Variants in PINX1 observed in about 807,000 individuals in gnomAD.
The protein encoded by PINX1 is PIN2/TERF1-interacting telomerase inhibitor 1.
In PINX1, 34 loss-of-function variants were observed where a neutral mutation model predicts 25.4. The ratio of observed to expected loss-of-function variants is 1.34; its 90% CI spans 1.02 to 1.78. The LOEUF (loss-of-function observed/expected upper bound fraction) is 1.78, where lower values mean the gene tolerates loss of function less well. PINX1 is among the 40% of genes most tolerant of loss of function. PINX1 has a pLI of 0.00. For missense variants in PINX1, 592 were observed against 404.9 expected (o/e 1.46, Z -3.97); for synonymous variants, 197 against 147.7 (o/e 1.33, Z -2.42).
intron 6 of PINX1, among the ~76,000 whole-genome samples, chr8:10,774,793 A>G (rs963607377): frequency 3.3e-5 from 5 of 152,240 alleles, no homozygotes; most frequent in African/African-American, 9.6e-5. Flanking sequence ...CCAGAAATCA[A>G]TGTAGCAAAT....
At chr8:10,790,547 C>T (rs1051710776) in intron 6 of PINX1, among the ~76,000 whole-genome samples, 1 of 152,118 alleles carries the variant, frequency 6.6e-6, no homozygotes, top group African/African-American at 2.4e-5. Context: ...GCTGTCGGAG[C>T]CTCAACTGGT....
rs146071579 is a variant in PINX1, at chr8:10,770,173, T to C, written c.472-4257A>G. ...GCAAGAAGCCCTCTTGGGCAGATGCTGGACAGCTTCCACCTGGACACTGCC... is the reference window on the plus strand; with the variant it reads ...GCAAGAAGCCCTCTTGGGCAGATGCCGGACAGCTTCCACCTGGACACTGCC... On this transcript the variant is annotated intron_variant, in intron 6 of 6. Transcript: ENST00000314787. Among the ~76,000 whole-genome samples the C allele has an allele frequency of 1.9e-3, 297 of 152,366 alleles. 1 individual carries two copies. The highest frequency in any genetic ancestry group is 6.2e-3 in the African/African-American group (257 of 41,588).
intron 6 of PINX1, among the ~76,000 whole-genome samples, chr8:10,768,475 A>G (rs775422285): frequency 6.6e-6 from 1 of 152,230 alleles, no homozygotes; most frequent in Non-Finnish European, 1.5e-5. Flanking sequence ...GTATGCTCAT[A>G]TGCTCATCAT....
chr8:10,800,932 T>C (rs1205084403), intron 6 of PINX1, among the ~76,000 whole-genome samples: 1 of 152,082 alleles, frequency 6.6e-6, no homozygotes, highest in Non-Finnish European at 1.5e-5. Context: ...GTCCCAACTC[T>C]CCTTTCTGCA....
At chr8:10,831,261 T>C (rs1026160926) in intron 4 of PINX1, among the ~76,000 whole-genome samples, 4 of 152,180 alleles carry the variant, frequency 2.6e-5, no homozygotes, top group Non-Finnish European at 4.4e-5. Flanking sequence ...GACAGCAGAA[T>C]AGTGGTTATT....
At chr8:10,835,048 T>C (rs1798358031) in intron 1 of PINX1, among the ~76,000 whole-genome samples, 1 of 152,192 alleles carries the variant, frequency 6.6e-6, no homozygotes, top group South Asian at 2.1e-4. Context: ...ATGCTCAATA[T>C]ACTAGAGCTG....
intron 6 of PINX1, among the ~76,000 whole-genome samples, chr8:10,772,773 T>G (rs993893034): frequency 2.6e-5 from 4 of 152,162 alleles, no homozygotes; most frequent in African/African-American, 9.7e-5. Context: ...ATGCAGCAAC[T>G]CAATTGGAAA....
chr8:10,770,600 T>C (rs1801193012), intron 6 of PINX1, among the ~76,000 whole-genome samples: 2 of 152,214 alleles, frequency 1.3e-5, no homozygotes. Context: ...TGCTCTTGTG[T>C]CATTCAAACA....
At chr8:10,777,025 C>T (rs1304240274) in intron 6 of PINX1, among the ~76,000 whole-genome samples, 3 of 152,224 alleles carry the variant, frequency 2.0e-5, no homozygotes, top group African/African-American at 7.2e-5. Flanking sequence ...CAGTTTCTTA[C>T]TATCACAAAA....
chr8:10,780,827 AT>A (rs1304239572), intron 6 of PINX1, among the ~76,000 whole-genome samples: 1 of 152,222 alleles, frequency 6.6e-6, no homozygotes, highest in Non-Finnish European at 1.5e-5. Context: ...TCCCAACGGC[AT>A]TCTTAATAGA....
At chr8:10,827,245 C>G (rs10109416) in intron 4 of PINX1, among the ~76,000 whole-genome samples, 52,086 of 152,054 alleles carry the variant, frequency 0.34, 9,604 homozygotes, top group African/African-American at 0.48. Flanking sequence ...AAATACAGAT[C>G]AGAGATGACG....
intron 6 of PINX1, among the ~76,000 whole-genome samples, chr8:10,788,939 A>G (rs1801836029): frequency 6.6e-6 from 1 of 150,934 alleles, no homozygotes; most frequent in Admixed American, 6.6e-5. Flanking sequence ...AACTGGTCCT[A>G]ACAGGAATAT....
chr8:10,831,627 T>G, intron 4 of PINX1, 38 bp downstream of exon 4: 1 of 1,261,608 alleles, frequency 7.9e-7, no homozygotes, highest in Non-Finnish European at 1.1e-6. Flanking sequence ...TAGATAAACA[T>G]ATTTGCATTG....
intron 3 of PINX1, 40 bp downstream of exon 3, chr8:10,832,852 A>AGTGCACC: frequency 2.4e-6 from 3 of 1,226,990 alleles, no homozygotes; most frequent in Non-Finnish European, 3.6e-6. Flanking sequence ...ACTGAAGCCA[A>AGTGCACC]TTATGCAAAG....
chr8:10,795,308 T>A (rs556744109), intron 6 of PINX1, among the ~76,000 whole-genome samples: 1 of 152,326 alleles, frequency 6.6e-6, no homozygotes, highest in Non-Finnish European at 1.5e-5. Context: ...GCTGTCTTTC[T>A]TAGCTGCTCT....
intron 4 of PINX1, among the ~76,000 whole-genome samples, chr8:10,829,719 CTT>C (rs914551636): frequency 2.1e-4 from 32 of 151,198 alleles, no homozygotes; most frequent in African/African-American, 7.3e-4. Flanking sequence ...GAGTTTCACT[CTT>C]GTTGCCCAGG....
chr8:10,789,331 G>A (rs1801850171), intron 6 of PINX1, among the ~76,000 whole-genome samples: 1 of 152,200 alleles, frequency 6.6e-6, no homozygotes, highest in South Asian at 2.1e-4. Flanking sequence ...TGTTTAAGGT[G>A]TGCCATGTGA....
chr8:10,787,859 T>C (rs1434830782), intron 6 of PINX1: 1 of 455,844 alleles, frequency 2.2e-6, no homozygotes, highest in Middle Eastern at 3.3e-4. Flanking sequence ...AATGAGAACC[T>C]ATTGGTTAAG....
At chr8:10,809,946 T>C (rs1033544861) in intron 6 of PINX1, among the ~76,000 whole-genome samples, 2 of 152,232 alleles carry the variant, frequency 1.3e-5, no homozygotes, top group Non-Finnish European at 2.9e-5. Context: ...GGTGTGCCGA[T>C]GGCATCTGCT....
Sources: allele counts gnomAD v4.1 joint callset (sites outside exome capture counted in the v4.1 genomes callset), GRCh38; gene constraint gnomAD v4.1.1; transcripts MANE v1.5; gene names NCBI Gene and HGNC (gene_info 2026-07-23, HGNC 2026-07-21).